The following PUM1 variants were observed in gnomAD, a reference collection of about 807,000 sequenced individuals.
PUM1 encodes pumilio RNA binding family member 1.
A neutral mutation model predicts 131.8 loss-of-function variants in PUM1; 13 were observed. The observed-to-expected ratio is 0.10, with a 90% confidence interval of 0.06 to 0.16. The LOEUF is 0.16. PUM1 is among the 10% of genes least tolerant of loss of function. PUM1 has a pLI of 1.00. For synonymous variants in PUM1, 509 were observed against 556.5 expected (o/e 0.91, Z 1.20); for missense variants, 961 against 1,512.4 (o/e 0.64, Z 6.05).
At chr1:31,005,798 AGAGAG>A in intron 5 of PUM1, 50 bp downstream of exon 5, 2 of 376,254 alleles carry the variant, frequency 5.3e-6, no homozygotes, top group Non-Finnish European at 6.3e-6. Context: ...AAAAAGAGAG[AGAGAG>A]AGAGAGAGAG....
At chr1:30,968,291 A>G in intron 11 of PUM1, 63 bp downstream of exon 11, 1 of 1,591,668 alleles carries the variant, frequency 6.3e-7, no homozygotes, top group African/African-American at 1.3e-5. Flanking sequence ...TCCCCTCTGT[A>G]ATCACCTCAA....
At chr1:30,940,302 CCT>C (rs1557544009) in intron 20 of PUM1, among the ~76,000 whole-genome samples, 1 of 152,012 alleles carries the variant, frequency 6.6e-6, no homozygotes, top group East Asian at 1.9e-4. Flanking sequence ...ATGGTGAAAC[CCT>C]GTCTCTACAA....
At chr1:31,052,874 T>C (rs1466864752) in intron 2 of PUM1, among the ~76,000 whole-genome samples, 2 of 151,708 alleles carry the variant, frequency 1.3e-5, no homozygotes, top group Non-Finnish European at 2.9e-5. Context: ...CGGCTGATTT[T>C]TGTATTTTTA....
intron 18 of PUM1, among the ~76,000 whole-genome samples, chr1:30,943,195 T>A (rs915491002): frequency 1.2e-4 from 18 of 152,246 alleles, no homozygotes; most frequent in African/African-American, 4.1e-4. Flanking sequence ...CACTCAACAT[T>A]ATGATTCCCA....
intron 3 of PUM1, among the ~76,000 whole-genome samples, chr1:31,027,059 T>C (rs1382758246): frequency 6.6e-6 from 1 of 152,186 alleles, no homozygotes; most frequent in African/African-American, 2.4e-5. Flanking sequence ...TTGTTTGCTA[T>C]TCAATTAAAA....
chr1:30,988,744 A>C (rs1216322340), intron 7 of PUM1, among the ~76,000 whole-genome samples: 1 of 152,178 alleles, frequency 6.6e-6, no homozygotes, highest in Non-Finnish European at 1.5e-5. Flanking sequence ...TCTTCAGCCT[A>C]GGACTACACC....
chr1:30,969,161 A>G (rs1210135260), intron 10 of PUM1, among the ~76,000 whole-genome samples: 1 of 152,014 alleles, frequency 6.6e-6, no homozygotes, highest in African/African-American at 2.4e-5. Flanking sequence ...AAAATTAGCC[A>G]GGCGTGGCAG....
rs537250196 is a variant in PUM1 at position 30,984,688 on chromosome 1, T to C, written c.1159-3283A>G. On this transcript the variant is annotated intron_variant, in intron 7 of 21. Coordinates refer to ENST00000426105, the MANE Select transcript of PUM1 (RefSeq NM_001020658.2). ...TGCCTCCTTTCTCTGTCACTTACTA[T>C]ATTAAAAACAGTCTACAGAGCTCTT... Among the ~76,000 whole-genome samples, 5 of 152,278 alleles carry C rather than the reference T, an allele frequency of 3.3e-5. No individual in the cohort carries two copies. The South Asian group carries it at 8.3e-4, about 25-fold the overall frequency.
At chr1:30,974,974 T>C (rs998431868) in intron 9 of PUM1, 172 bp from the exon 10 acceptor site, 7 of 493,024 alleles carry the variant, frequency 1.4e-5, no homozygotes, top group Non-Finnish European at 7.0e-6. Flanking sequence ...AAACATTATA[T>C]GAGATCCTTA....
intron 2 of PUM1, among the ~76,000 whole-genome samples, chr1:31,057,177 G>A (rs2123994886): frequency 1.3e-5 from 2 of 152,216 alleles, no homozygotes. Flanking sequence ...TCCAAGGCAG[G>A]TGGATCACTG....
chr1:31,034,613 T>G (rs1643544293), intron 2 of PUM1, among the ~76,000 whole-genome samples: 1 of 152,140 alleles, frequency 6.6e-6, no homozygotes, highest in East Asian at 1.9e-4. Flanking sequence ...ACAGAAAGCC[T>G]CCAAGTATTC....
chr1:31,039,177 T>A (rs1331207364), intron 2 of PUM1, among the ~76,000 whole-genome samples: 1 of 147,712 alleles, frequency 6.8e-6, no homozygotes, highest in African/African-American at 2.5e-5. Flanking sequence ...TTTAATTTTT[T>A]TATAGCAATG....
At chr1:31,044,509 A>C (rs923088996) in intron 2 of PUM1, among the ~76,000 whole-genome samples, 1 of 152,336 alleles carries the variant, frequency 6.6e-6, no homozygotes, top group South Asian at 2.1e-4. Flanking sequence ...AACATGCTTC[A>C]CTTATGTCCA....
chr1:31,014,752 G>A (rs2124523371), intron 3 of PUM1, among the ~76,000 whole-genome samples: 1 of 151,292 alleles, frequency 6.6e-6, no homozygotes, highest in South Asian at 2.1e-4. Flanking sequence ...TCGCACCACT[G>A]CACTCCAGCC....
chr1:30,974,158 G>T (rs1332075317), intron 10 of PUM1, among the ~76,000 whole-genome samples: 1 of 151,678 alleles, frequency 6.6e-6, no homozygotes, highest in Non-Finnish European at 1.5e-5. Flanking sequence ...AAAAGATGTA[G>T]TTTTGCAGTT....
chr1:30,976,528 A>T (rs1232536145), intron 9 of PUM1, among the ~76,000 whole-genome samples: 2 of 152,236 alleles, frequency 1.3e-5, no homozygotes, highest in African/African-American at 4.8e-5. Flanking sequence ...ATAAATAGAC[A>T]CATATTCTTG....
intron 20 of PUM1, among the ~76,000 whole-genome samples, chr1:30,938,742 G>A (rs1639315253): frequency 6.6e-6 from 1 of 152,108 alleles, no homozygotes; most frequent in Non-Finnish European, 1.5e-5. Context: ...GCGGACACCT[G>A]TAGTCCCAGC....
intron 14 of PUM1, among the ~76,000 whole-genome samples, chr1:30,954,320 C>T (rs1640063646): frequency 6.6e-6 from 1 of 152,174 alleles, no homozygotes; most frequent in East Asian, 1.9e-4. Context: ...GCAATAAAAA[C>T]TCAGAAAATG....
chr1:30,935,590 T>G lies in PUM1; in HGVS notation c.3435+1053A>C, dbSNP rs180975978. The G allele has an allele frequency of 8.6e-4, 382 of 446,188 alleles. 6 individuals carry two copies. The highest frequency in any genetic ancestry group is 1.1e-4 in the Non-Finnish European group (25 of 220,876). The allele number at this position is 446,188 out of a possible 1,614,324, so 27.6% of individuals were successfully genotyped here. On this transcript the variant is annotated intron_variant, in intron 21 of 21. Transcript: ENST00000426105. ...CCAGCATCCTGAAAACTTACAACTTTAAGAACCTGGGACTCCCCCAGCCTT... is the reference window on the plus strand; with the variant it reads ...CCAGCATCCTGAAAACTTACAACTTGAAGAACCTGGGACTCCCCCAGCCTT...
Sources: gnomAD v4.1 joint callset for allele counts (sites outside exome capture counted in the v4.1 genomes callset) on GRCh38, gnomAD v4.1.1 for gene constraint, MANE v1.5 for transcripts, NCBI Gene and HGNC (gene_info 2026-07-23, HGNC 2026-07-21) for gene names.